RCAN2: variants seen among roughly 807,000 people sequenced by gnomAD.
RCAN2 encodes the protein regulator of calcineurin 2.
A neutral mutation model predicts 23.6 loss-of-function variants in RCAN2; 9 were observed. The observed-to-expected ratio is 0.38, with a 90% CI of 0.23 to 0.67. RCAN2 has a LOEUF of 0.67. Ranked by LOEUF, RCAN2 falls within the 30% of genes least tolerant of loss-of-function variation. The pLI, the probability that RCAN2 is intolerant of heterozygous loss-of-function variation, is 0.51. For missense variants in RCAN2, 273 were observed against 302.3 expected (o/e 0.90, Z 0.72); for synonymous variants, 109 against 115.7 (o/e 0.94, Z 0.37).
chr6:46,395,358 A>T (rs1344504107), intron 2 of RCAN2, among the ~76,000 whole-genome samples: 1 of 152,228 alleles, frequency 6.6e-6, no homozygotes, highest in East Asian at 1.9e-4. Context: ...ATAAGGAGCC[A>T]CAAAGGGAGG....
intron 2 of RCAN2, among the ~76,000 whole-genome samples, chr6:46,263,840 G>C (rs1333283735): frequency 6.6e-6 from 1 of 151,866 alleles, no homozygotes; most frequent in African/African-American, 2.4e-5. Flanking sequence ...AATAACATCT[G>C]TTATTAAATA....
chr6:46,272,225 ATAT>A (rs1380806071), intron 2 of RCAN2, among the ~76,000 whole-genome samples: 2 of 152,202 alleles, frequency 1.3e-5, no homozygotes, highest in Admixed American at 6.5e-5. Context: ...ACATGGCAAA[ATAT>A]TATTATCTTA....
chr6:46,481,092 G>A (rs1582237009), intron 1 of RCAN2, among the ~76,000 whole-genome samples: 3 of 152,322 alleles, frequency 2.0e-5, no homozygotes, highest in South Asian at 2.1e-4. Context: ...ATAGTGATGA[G>A]TGTAGCAGGG....
intron 1 of RCAN2, among the ~76,000 whole-genome samples, chr6:46,467,989 T>A (rs1241207482): frequency 6.6e-6 from 1 of 152,200 alleles, no homozygotes; most frequent in Non-Finnish European, 1.5e-5. Flanking sequence ...ACAATTTTAC[T>A]TTGTGATTTT....
Position 46,272,798 on chromosome 6 carries a change from G to A in RCAN2, c.226-23902C>T, listed in dbSNP as rs541400129. Among the ~76,000 whole-genome samples, 24 of 152,192 alleles carry A rather than the reference G, an allele frequency of 1.6e-4. No individual in the cohort carries two copies. The South Asian group carries it at 2.1e-3, about 13-fold the overall frequency. On this transcript the variant is annotated intron_variant, in intron 2 of 4. Transcript: ENST00000371374. ...ATCACTCCTAGAAGAAACTGATTTC[G>A]TAAGTTCATTTTATATTCAACAGAT...
intron 2 of RCAN2, among the ~76,000 whole-genome samples, chr6:46,368,058 G>A (rs1206023237): frequency 6.6e-6 from 1 of 152,186 alleles, no homozygotes; most frequent in Non-Finnish European, 1.5e-5. Context: ...GGGCCAGATA[G>A]TAACTATTTT....
chr6:46,299,390 G>A (rs1582080423), intron 2 of RCAN2, among the ~76,000 whole-genome samples: 1 of 152,124 alleles, frequency 6.6e-6, no homozygotes, highest in South Asian at 2.1e-4. Context: ...ATTTAGTGCA[G>A]AGTTACTTTC....
chr6:46,371,926 T>C (rs947639626), intron 2 of RCAN2, among the ~76,000 whole-genome samples: 1 of 152,232 alleles, frequency 6.6e-6, no homozygotes, highest in African/African-American at 2.4e-5. Flanking sequence ...TGGAGATCTC[T>C]TGTTGATCAT....
At chr6:46,382,312 C>T (rs2150393982) in intron 2 of RCAN2, among the ~76,000 whole-genome samples, 1 of 152,260 alleles carries the variant, frequency 6.6e-6, no homozygotes, top group African/African-American at 2.4e-5. Flanking sequence ...AGGTCAGTAC[C>T]TTGTACGTAA....
At chr6:46,290,476 T>A (rs1273793377) in intron 2 of RCAN2, among the ~76,000 whole-genome samples, 2 of 152,236 alleles carry the variant, frequency 1.3e-5, no homozygotes, top group Non-Finnish European at 2.9e-5. Context: ...TGTTCAGTGA[T>A]AAATGGAAGC....
At chr6:46,417,829 G>A in intron 2 of RCAN2, among the ~76,000 whole-genome samples, 1 of 152,164 alleles carries the variant, frequency 6.6e-6, no homozygotes, top group South Asian at 2.1e-4. Flanking sequence ...TAAGAGCCAG[G>A]CACTGTGCCA....
chr6:46,315,500 C>T (rs765441444), intron 2 of RCAN2, among the ~76,000 whole-genome samples: 3 of 151,926 alleles, frequency 2.0e-5, no homozygotes, highest in African/African-American at 7.3e-5. Context: ...GTAGAGGGCA[C>T]AGCAAAGGCA....
chr6:46,419,827 CTAAA>C (rs1203278075), intron 2 of RCAN2, among the ~76,000 whole-genome samples: 2 of 152,120 alleles, frequency 1.3e-5, no homozygotes, highest in Admixed American at 1.3e-4. Context: ...AAGCACATTT[CTAAA>C]TAGTTTGCTG....
intron 2 of RCAN2, among the ~76,000 whole-genome samples, chr6:46,455,274 C>T (rs1192539558): frequency 6.6e-6 from 1 of 152,104 alleles, no homozygotes; most frequent in Non-Finnish European, 1.5e-5. Flanking sequence ...TATATAATTC[C>T]TTGTATTTCA....
At chr6:46,386,709 T>G (rs967547635) in intron 2 of RCAN2, among the ~76,000 whole-genome samples, 1 of 151,656 alleles carries the variant, frequency 6.6e-6, no homozygotes, top group African/African-American at 2.4e-5. Context: ...GAAACAACAG[T>G]TAAGCTACCA....
chr6:46,360,631 T>C (rs1325107202), intron 2 of RCAN2, among the ~76,000 whole-genome samples: 1 of 151,140 alleles, frequency 6.6e-6, no homozygotes, highest in Non-Finnish European at 1.5e-5. Flanking sequence ...AAATCATCAC[T>C]GTTTTAAGAA....
intron 2 of RCAN2, among the ~76,000 whole-genome samples, chr6:46,355,955 C>T (rs1764817328): frequency 6.6e-6 from 1 of 152,238 alleles, no homozygotes; most frequent in Non-Finnish European, 1.5e-5. Context: ...ACTAACCCAG[C>T]TGGCTGGAGC....
chr6:46,346,524 C>A (rs1051296901), intron 2 of RCAN2, among the ~76,000 whole-genome samples: 6 of 151,926 alleles, frequency 3.9e-5, no homozygotes, highest in Non-Finnish European at 8.8e-5. Context: ...ATATGTCTAA[C>A]CATTAGGAAA....
chr6:46,378,633 G>A (rs1372554416), intron 2 of RCAN2, among the ~76,000 whole-genome samples: 3 of 152,186 alleles, frequency 2.0e-5, no homozygotes, highest in Non-Finnish European at 2.9e-5. Context: ...ATTCAGTTGT[G>A]CAGGTTGTAC....
Sources: allele counts gnomAD v4.1 joint callset (sites outside exome capture counted in the v4.1 genomes callset), GRCh38; gene constraint gnomAD v4.1.1; transcripts MANE v1.5; gene names NCBI Gene and HGNC (gene_info 2026-07-23, HGNC 2026-07-21).